HMCN1: variants seen among roughly 807,000 people sequenced by gnomAD.
HMCN1 encodes hemicentin 1.
A neutral mutation model predicts 625.9 loss-of-function variants in HMCN1; 321 were observed. The observed-to-expected ratio is 0.51, with a 90% confidence interval of 0.47 to 0.56. The LOEUF is 0.56. Among genes scored for constraint, HMCN1 ranks in the 20% least tolerant of loss-of-function variants. The pLI, the probability that HMCN1 is intolerant of heterozygous loss-of-function variation, is 0.00. For missense variants in HMCN1, 6,588 were observed against 6,887.3 expected, an observed-to-expected ratio of 0.96 and a Z score of 1.54; for synonymous variants, 2,425 against 2,417.6, an observed-to-expected ratio of 1.00 and a Z score of -0.09.
intron 1 of HMCN1, among the ~76,000 whole-genome samples, chr1:185,775,724 G>A (rs1656554048): frequency 6.6e-6 from 1 of 152,172 alleles, no homozygotes; most frequent in African/African-American, 2.4e-5. Flanking sequence ...CATGTGAATT[G>A]GGGAAGACCT....
At chr1:185,941,424 TGTTAA>T (rs1250252020) in intron 11 of HMCN1, among the ~76,000 whole-genome samples, 4 of 152,200 alleles carry the variant, frequency 2.6e-5, no homozygotes, top group African/African-American at 9.6e-5. Context: ...AAACTTAAAA[TGTTAA>T]GTTAGAACAT....
chr1:186,012,051 A>G (rs1380559616), intron 30 of HMCN1, among the ~76,000 whole-genome samples: 1 of 152,206 alleles, frequency 6.6e-6, no homozygotes, highest in Non-Finnish European at 1.5e-5. Context: ...ACAAAAAGTC[A>G]TAGAACTGAT....
At chr1:186,178,272 A>G (rs16825020) in intron 103 of HMCN1, 144 bp from the exon 104 acceptor site, 12,524 of 669,462 alleles carry the variant, frequency 0.019, 304 homozygotes, top group African/African-American at 0.091. Context: ...AGTTCACAAC[A>G]GTTGAGGAGA....
intron 4 of HMCN1, among the ~76,000 whole-genome samples, chr1:185,897,241 T>C (rs1401862456): frequency 1.3e-5 from 2 of 152,210 alleles, no homozygotes; most frequent in Non-Finnish European, 2.9e-5. Context: ...ACATTATTGA[T>C]CATTTATTTA....
intron 2 of HMCN1, among the ~76,000 whole-genome samples, chr1:185,856,338 A>G (rs1218116890): frequency 2.0e-5 from 3 of 151,978 alleles, no homozygotes; most frequent in African/African-American, 7.3e-5. Context: ...AAAAATACAA[A>G]AATTAGCCAG....
chr1:186,101,902 A>G (rs551038782), intron 68 of HMCN1, among the ~76,000 whole-genome samples: 5 of 152,272 alleles, frequency 3.3e-5, no homozygotes, highest in Admixed American at 1.3e-4. Flanking sequence ...GACATTTTAT[A>G]ATTAGTTCAG....
At chr1:186,088,387 T>C (rs1659650958) in intron 62 of HMCN1, 111 bp downstream of exon 62, 1 of 1,536,624 alleles carries the variant, frequency 6.5e-7, no homozygotes, top group South Asian at 1.1e-5. Context: ...GGGTGTTTAG[T>C]TCAAGAAGGC....
At chr1:186,019,135 C>G (rs1392914267) in intron 34 of HMCN1, among the ~76,000 whole-genome samples, 1 of 151,990 alleles carries the variant, frequency 6.6e-6, no homozygotes, top group Non-Finnish European at 1.5e-5. Flanking sequence ...AATAAAGTTA[C>G]CACTCCACAT....
rs781096231 is a variant in HMCN1, at chr1:186,152,890, T to G, written c.15018+19T>G. 1 of 1,613,238 alleles carries G rather than the reference T, an allele frequency of 6.2e-7. No homozygotes were observed. The highest frequency in any genetic ancestry group is 1.1e-5 in the South Asian group (1 of 91,058). ...TGTAAAGGTAAAATGCCAGGATAAC[T>G]TGTCTTTGCTGCTTATTAGAGTAAT... On this transcript the variant is annotated intron_variant, in intron 96 of 106. Coordinates refer to ENST00000271588, the MANE Select transcript of HMCN1 (RefSeq NM_031935.3).
intron 1 of HMCN1, 138 bp downstream of exon 1, chr1:185,735,185 A>C: frequency 9.9e-7 from 1 of 1,006,886 alleles, no homozygotes; most frequent in Non-Finnish European, 1.5e-6. Context: ...GTAACAAAGA[A>C]TTACTTGCTG....
chr1:186,137,753 A>T, intron 88 of HMCN1, 49 bp from the exon 89 acceptor site: 3 of 1,613,976 alleles, frequency 1.9e-6, no homozygotes, highest in Non-Finnish European at 2.5e-6. Context: ...CAGTGTAAGT[A>T]TTCCCAATTG....
chr1:186,048,609 A>G, intron 41 of HMCN1, 134 bp from the exon 42 acceptor site: 1 of 673,542 alleles, frequency 1.5e-6, no homozygotes, highest in South Asian at 1.6e-5. Context: ...AGCCATTTAT[A>G]TTGCTATTTT....
At chr1:185,850,796 T>C (rs542995322) in intron 2 of HMCN1, among the ~76,000 whole-genome samples, 8 of 152,242 alleles carry the variant, frequency 5.3e-5, no homozygotes, top group African/African-American at 1.9e-4. Context: ...TCCCCTTTTC[T>C]GCACTTTCAT....
At chr1:186,093,428 G>A (rs1659953324) in intron 65 of HMCN1, 58 bp from the exon 66 acceptor site, 3 of 1,589,836 alleles carry the variant, frequency 1.9e-6, no homozygotes, top group Admixed American at 3.3e-5. Context: ...GAAATTATTT[G>A]AACTAGTATT....
At chr1:186,133,898 A>ATTTC (rs58076868) in intron 86 of HMCN1, among the ~76,000 whole-genome samples, 49,538 of 151,746 alleles carry the variant, frequency 0.33, 8,841 homozygotes, top group East Asian at 0.58. Context: ...GGCATACCAA[A>ATTTC]TTTCTTTACT....
chr1:185,897,725 A>G (rs1665568063), intron 4 of HMCN1, among the ~76,000 whole-genome samples: 1 of 152,066 alleles, frequency 6.6e-6, no homozygotes, highest in Non-Finnish European at 1.5e-5. Context: ...ATGTATTTAT[A>G]TGTCTTCCCC....
At chr1:186,186,480 T>C (rs1386558649) in intron 105 of HMCN1, among the ~76,000 whole-genome samples, 1 of 152,080 alleles carries the variant, frequency 6.6e-6, no homozygotes, top group Non-Finnish European at 1.5e-5. Flanking sequence ...TGAGCTGAGA[T>C]TGCACCACTA....
chr1:186,047,281 A>G (rs1656639755), intron 41 of HMCN1, among the ~76,000 whole-genome samples: 1 of 152,140 alleles, frequency 6.6e-6, no homozygotes, highest in Non-Finnish European at 1.5e-5. Context: ...GAAGAAGAAA[A>G]GGCATTGCCT....
At chr1:185,857,392 C>T (rs1437021407) in intron 2 of HMCN1, among the ~76,000 whole-genome samples, 1 of 152,032 alleles carries the variant, frequency 6.6e-6, no homozygotes, top group Non-Finnish European at 1.5e-5. Context: ...CAAACTCAGA[C>T]CCTTTCTAAA....
Sources: gnomAD v4.1 joint callset for allele counts (sites outside exome capture counted in the v4.1 genomes callset) on GRCh38, gnomAD v4.1.1 for gene constraint, MANE v1.5 for transcripts, NCBI Gene and HGNC (gene_info 2026-07-23, HGNC 2026-07-21) for gene names.